EYA1: variants seen among roughly 807,000 people sequenced by gnomAD.
EYA1 encodes EYA transcriptional coactivator and phosphatase 1.
Under a neutral mutation model 82.0 loss-of-function variants are expected in EYA1, and 16 were observed. The ratio of observed to expected loss-of-function variants is 0.20; its 90% confidence interval spans 0.13 to 0.30. The LOEUF is 0.30. EYA1 is among the 10% of genes least tolerant of loss of function. The pLI is 1.00. For synonymous variants in EYA1, 261 were observed against 264.4 expected, an observed-to-expected ratio of 0.99 and a Z score of 0.12; for missense variants, 633 against 730.7, an observed-to-expected ratio of 0.87 and a Z score of 1.54.
At chr8:71,446,698 G>T (rs1806904840) in intron 2 of EYA1, among the ~76,000 whole-genome samples, 1 of 152,266 alleles carries the variant, frequency 6.6e-6, no homozygotes, top group Admixed American at 6.5e-5. Context: ...TATTGCAACA[G>T]CTGTTATTTT....
At chr8:71,236,821 A>G (rs1425884104) in intron 12 of EYA1, among the ~76,000 whole-genome samples, 13 of 152,242 alleles carry the variant, frequency 8.5e-5, no homozygotes. Context: ...TATCTTAATT[A>G]TCTGTAATTC....
At chr8:71,319,708 A>C (rs1822318892) in intron 6 of EYA1, among the ~76,000 whole-genome samples, 2 of 152,220 alleles carry the variant, frequency 1.3e-5, no homozygotes, top group South Asian at 4.1e-4. Context: ...AAAAGTCAAG[A>C]GTACAAGTCC....
chr8:71,354,537 A>G (rs1183396754), intron 3 of EYA1, among the ~76,000 whole-genome samples: 1 of 152,230 alleles, frequency 6.6e-6, no homozygotes, highest in Non-Finnish European at 1.5e-5. Context: ...AAATATGTAT[A>G]ATATACATGT....
intron 2 of EYA1, among the ~76,000 whole-genome samples, chr8:71,505,815 C>T (rs1171712446): frequency 6.6e-6 from 1 of 152,134 alleles, no homozygotes; most frequent in Admixed American, 6.6e-5. Flanking sequence ...ATGTCCCCAC[C>T]CAAATTTCAT....
chr8:71,262,139 T>G (rs1249233031), intron 11 of EYA1, among the ~76,000 whole-genome samples: 2 of 152,156 alleles, frequency 1.3e-5, no homozygotes, highest in African/African-American at 4.8e-5. Context: ...ATAATTTAAT[T>G]TTTCTGAGCT....
In EYA1 at chr8:71,405,259, A is replaced by G. The variant is rs1004784825; in HGVS notation, c.34-48748T>C. Among the ~76,000 whole-genome samples the G allele has an allele frequency of 3.3e-4, 50 of 152,268 alleles. 1 individual carries two copies. The highest frequency in any genetic ancestry group is 1.2e-3 in the African/African-American group (49 of 41,558). On this transcript the variant is annotated intron_variant, in intron 2 of 18. Transcript: ENST00000643681. ...AGATCAGCTTTAAAAAACAAACAAC[A>G]ACAACAACAAACAAGAGATGCTATT...
At chr8:71,264,066 G>A (rs546015145) in intron 11 of EYA1, among the ~76,000 whole-genome samples, 55 of 152,304 alleles carry the variant, frequency 3.6e-4, no homozygotes, top group African/African-American at 1.3e-3. Context: ...TTTACTATCT[G>A]TTGCTTTACA....
intron 2 of EYA1, among the ~76,000 whole-genome samples, chr8:71,501,481 C>G (rs573368961): frequency 1.8e-3 from 275 of 152,264 alleles, no homozygotes; most frequent in African/African-American, 6.3e-3. Context: ...CAGTAAAGCT[C>G]TAACTACCAA....
At chr8:71,368,100 T>C (rs990906725) in intron 2 of EYA1, among the ~76,000 whole-genome samples, 10 of 152,200 alleles carry the variant, frequency 6.6e-5, no homozygotes, top group Admixed American at 4.6e-4. Context: ...GTTTTAATAG[T>C]ATCAATGATC....
intron 2 of EYA1, among the ~76,000 whole-genome samples, chr8:71,443,147 A>C (rs982997572): frequency 6.6e-6 from 1 of 152,214 alleles, no homozygotes; most frequent in African/African-American, 2.4e-5. Flanking sequence ...CAGGACAGAA[A>C]GATAATGATG....
At chr8:71,215,289 T>A in intron 16 of EYA1, 98 bp downstream of exon 16, 1 of 1,137,060 alleles carries the variant, frequency 8.8e-7, no homozygotes, top group Non-Finnish European at 1.3e-6. Context: ...TTTTGACCTA[T>A]GTAGCATTCT....
chr8:71,521,135 A>C (rs1331471298), intron 2 of EYA1, among the ~76,000 whole-genome samples: 5 of 152,176 alleles, frequency 3.3e-5, no homozygotes, highest in Admixed American at 2.0e-4. Flanking sequence ...TGAATCAAAG[A>C]GAATATACAC....
At chr8:71,462,221 T>C (rs1191803873) in intron 2 of EYA1, among the ~76,000 whole-genome samples, 1 of 152,006 alleles carries the variant, frequency 6.6e-6, no homozygotes, top group Non-Finnish European at 1.5e-5. Flanking sequence ...TGCAGGCCAG[T>C]ATTTGAGCTG....
intron 2 of EYA1, among the ~76,000 whole-genome samples, chr8:71,457,092 T>G (rs552528614): frequency 1.2e-3 from 186 of 152,110 alleles, no homozygotes; most frequent in African/African-American, 4.3e-3. Flanking sequence ...CATCAAAAAG[T>G]GGGCAAAGGA....
intron 12 of EYA1, among the ~76,000 whole-genome samples, chr8:71,233,276 T>G (rs1811413002): frequency 6.6e-6 from 1 of 152,230 alleles, no homozygotes; most frequent in African/African-American, 2.4e-5. Context: ...AGAAAGCCTT[T>G]GTTTTCTGCC....
intron 2 of EYA1, among the ~76,000 whole-genome samples, chr8:71,467,743 A>G (rs1263202258): frequency 6.6e-6 from 1 of 152,178 alleles, no homozygotes; most frequent in Non-Finnish European, 1.5e-5. Flanking sequence ...ATACATGATT[A>G]TGCATGAGAT....
chr8:71,493,153 C>G (rs1290651930), intron 2 of EYA1, among the ~76,000 whole-genome samples: 3 of 152,146 alleles, frequency 2.0e-5, no homozygotes, highest in Non-Finnish European at 4.4e-5. Flanking sequence ...TTTTCTTTAT[C>G]TAGTCTACCA....
At chr8:71,331,248 ACACACACAC>A (rs1563480538) in intron 4 of EYA1, among the ~76,000 whole-genome samples, 7 of 24,772 alleles carry the variant, frequency 2.8e-4, no homozygotes, top group East Asian at 0.017. Flanking sequence ...AAATAAATAC[ACACACACAC>A]ACACACACAC....
intron 1 of EYA1, chr8:71,535,852 T>C (rs1448321816): frequency 5.6e-6 from 5 of 885,008 alleles, no homozygotes; most frequent in Non-Finnish European, 8.2e-6. Context: ...CCTGCACCTG[T>C]GAACAACAGA....
Sources: gnomAD v4.1 joint callset for allele counts (sites outside exome capture counted in the v4.1 genomes callset) on GRCh38, gnomAD v4.1.1 for gene constraint, MANE v1.5 for transcripts, NCBI Gene and HGNC (gene_info 2026-07-23, HGNC 2026-07-21) for gene names.